The following UCK2 variants were observed in gnomAD, a reference collection of about 807,000 sequenced individuals.
UCK2 encodes the protein cytidine monophosphokinase 2.
UCK2 carries 6 observed loss-of-function variants against 30.8 expected under a neutral mutation model. That is an observed-to-expected ratio of 0.19 (90% confidence interval 0.11 to 0.38). The LOEUF is 0.38. Ranked by LOEUF, UCK2 falls within the 10% of genes least tolerant of loss-of-function variation. UCK2 has a pLI of 1.00. For missense variants in UCK2, 210 were observed against 339.8 expected (o/e 0.62, Z 3.00); for synonymous variants, 125 against 133.6 (o/e 0.94, Z 0.45).
chr1:165,867,064 C>T (rs765650399), intron 1 of UCK2, among the ~76,000 whole-genome samples: 25 of 152,164 alleles, frequency 1.6e-4, no homozygotes, highest in Non-Finnish European at 3.1e-4. Flanking sequence ...TTCCAGTGCA[C>T]GTAAAAGTTA....
In UCK2 at chr1:165,850,459, A is replaced by G. The variant is rs552720613; in HGVS notation, c.99+22527A>G. On this transcript the variant is annotated intron_variant, in intron 1 of 6. Coordinates refer to ENST00000367879, the MANE Select transcript of UCK2 (RefSeq NM_012474.5). ...TTTTTAATTTTTAAATTTTTCTTAG[A>G]GACAAGGTCTTGCTCTGTTGCCCAG... 2.7e-5 allele frequency among the ~76,000 whole-genome samples: 4 copies of G among 147,676 alleles called. No homozygotes were observed. In the South Asian group the frequency reaches 8.7e-4, roughly 32 times the overall value.
chr1:165,876,267 T>C (rs754104472), intron 1 of UCK2, among the ~76,000 whole-genome samples: 3 of 152,178 alleles, frequency 2.0e-5, no homozygotes, highest in Non-Finnish European at 4.4e-5. Flanking sequence ...CTACTCATTT[T>C]GAAGACCCTG....
rs1028479906 is a variant in UCK2 at position 165,827,625 on chromosome 1, C to G, written c.-209C>G. The G allele has an allele frequency of 7.8e-6, 3 of 384,894 alleles. No individual in the cohort carries two copies. The highest frequency in any genetic ancestry group is 4.2e-5 in the African/African-American group (2 of 47,990). The allele number at this position is 384,894 out of a possible 1,614,324, so 23.8% of individuals were successfully genotyped here. A position where few individuals can be genotyped will look rare whatever the true frequency, so the allele number is the denominator to read the frequency against. The stretch of plus-strand genomic sequence containing the variant: ...CCTCTGCCTGGGATGTAAACCGGAC[C>G]AGCCGCTGCGGGCAAAGGAAGGCTC... On this transcript the variant is annotated 5_prime_UTR_variant, in exon 1 of 7. Transcript: ENST00000367879.
chr1:165,841,020 G>A (rs576057127), intron 1 of UCK2, among the ~76,000 whole-genome samples: 50 of 151,990 alleles, frequency 3.3e-4, no homozygotes, highest in Non-Finnish European at 6.8e-4. Flanking sequence ...TAGAGGCAAG[G>A]TAGTGTTTGA....
rs978685881 is a variant in UCK2, at chr1:165,888,888, C to T, written c.100-1316C>T. ...CTTTGTATGAAATGAAAAAAGAAAT[C>T]AGTTATTTGATAAATACAATCCTTC... On this transcript the variant is annotated intron_variant, in intron 1 of 6. Coordinates refer to ENST00000367879, the MANE Select transcript of UCK2 (RefSeq NM_012474.5). 2.6e-5 allele frequency among the ~76,000 whole-genome samples: 4 copies of T among 152,134 alleles called. No homozygotes were observed. The South Asian group carries it at 6.2e-4, about 24-fold the overall frequency.
intron 1 of UCK2, among the ~76,000 whole-genome samples, chr1:165,856,017 A>G (rs776265804): frequency 3.9e-5 from 6 of 152,222 alleles, no homozygotes; most frequent in Non-Finnish European, 8.8e-5. Flanking sequence ...TGAGAATAAA[A>G]TGTGAAAATA....
chr1:165,867,435 C>T (rs1278026541), intron 1 of UCK2, among the ~76,000 whole-genome samples: 2 of 152,098 alleles, frequency 1.3e-5, no homozygotes, highest in Non-Finnish European at 2.9e-5. Flanking sequence ...GTCAATTTTA[C>T]CTTTCGACCC....
intron 1 of UCK2, among the ~76,000 whole-genome samples, chr1:165,871,165 T>TTG (rs1416528836): frequency 7.2e-5 from 11 of 152,182 alleles, no homozygotes; most frequent in Admixed American, 4.6e-4. Context: ...AGTGAATTTT[T>TTG]TGTGTGTGCG....
At chr1:165,841,036 A>G (rs1654315923) in intron 1 of UCK2, among the ~76,000 whole-genome samples, 1 of 151,990 alleles carries the variant, frequency 6.6e-6, no homozygotes, top group Admixed American at 6.6e-5. Context: ...TTTGACCAAT[A>G]TCTGTGTGAC....
chr1:165,899,763 C>G (rs1647391189), intron 4 of UCK2, among the ~76,000 whole-genome samples: 1 of 152,162 alleles, frequency 6.6e-6, no homozygotes, highest in African/African-American at 2.4e-5. Flanking sequence ...TGGACTCAGT[C>G]CTTGGCGCGG....
intron 3 of UCK2, among the ~76,000 whole-genome samples, chr1:165,893,183 GCCTGA>G (rs1217597547): frequency 6.6e-6 from 1 of 152,190 alleles, no homozygotes; most frequent in African/African-American, 2.4e-5. Context: ...AGGAGCCAGG[GCCTGA>G]CCAGTGCAGT....
At chr1:165,888,434 G>C (rs113666199) in intron 1 of UCK2, among the ~76,000 whole-genome samples, 2,211 of 152,044 alleles carry the variant, frequency 0.015, 54 homozygotes, top group African/African-American at 0.046. Flanking sequence ...TGGGACTACA[G>C]GCATGTGCCA....
intron 1 of UCK2, among the ~76,000 whole-genome samples, chr1:165,836,715 C>G (rs1215540260): frequency 2.6e-5 from 4 of 152,110 alleles, no homozygotes; most frequent in African/African-American, 4.8e-5. Flanking sequence ...TGGGAGAAGC[C>G]TGATTGTGAA....
At chr1:165,853,357 T>TA (rs201799292) in intron 1 of UCK2, among the ~76,000 whole-genome samples, 8 of 125,264 alleles carry the variant, frequency 6.4e-5, no homozygotes, top group South Asian at 2.4e-4. Context: ...ATATTTGATA[T>TA]TTTTTTTTTT....
intron 1 of UCK2, among the ~76,000 whole-genome samples, chr1:165,860,149 A>G (rs1411835096): frequency 2.0e-5 from 3 of 152,182 alleles, no homozygotes; most frequent in Non-Finnish European, 2.9e-5. Flanking sequence ...GGCAGATTCA[A>G]GATGCTCACC....
chr1:165,879,640 A>G (rs1308364856), intron 1 of UCK2, among the ~76,000 whole-genome samples: 5 of 151,578 alleles, frequency 3.3e-5, no homozygotes, highest in Non-Finnish European at 5.9e-5. Context: ...TCCTCCTTAT[A>G]CAGTAACGTG....
At chr1:165,854,313 T>G (rs1654671419) in intron 1 of UCK2, among the ~76,000 whole-genome samples, 2 of 152,216 alleles carry the variant, frequency 1.3e-5, no homozygotes, top group South Asian at 4.1e-4. Context: ...GTGTGGTATT[T>G]GGTGTTGCCA....
intron 1 of UCK2, among the ~76,000 whole-genome samples, chr1:165,858,704 G>A (rs754082066): frequency 6.6e-6 from 1 of 152,136 alleles, no homozygotes; most frequent in Non-Finnish European, 1.5e-5. Flanking sequence ...GAGAGTTGCA[G>A]CAACTTCTGG....
chr1:165,907,775 C>G lies in UCK2; in HGVS notation c.738C>G (p.Thr246=). 1.2e-6 allele frequency: 2 copies of G among 1,614,168 alleles called. No homozygotes were observed. The highest frequency in any genetic ancestry group is 1.7e-6 in the Non-Finnish European group (2 of 1,180,044). ...RQTNGCLNGY[T]PSRKRQASES... is the part of the protein sequence containing the mutation. ...CCAATGGCTGTCTCAACGGCTACAC[C>G]CCTTCACGCAAGAGGCAGGCATCGG... The change falls in exon 7 of 7, where the codon ACC becomes ACG. Residue 246 remains threonine (T), a synonymous_variant. Transcript: ENST00000367879.
Sources: allele counts gnomAD v4.1 joint callset (sites outside exome capture counted in the v4.1 genomes callset), GRCh38; gene constraint gnomAD v4.1.1; transcripts MANE v1.5; gene names NCBI Gene and HGNC (gene_info 2026-07-23, HGNC 2026-07-21).